Variants in CCDC66 observed in about 807,000 individuals in gnomAD.
The protein encoded by CCDC66 is coiled-coil domain-containing protein 66.
CCDC66 carries 133 observed loss-of-function variants against 128.3 expected under a neutral mutation model. The ratio of observed to expected loss-of-function variants is 1.04; its 90% CI spans 0.90 to 1.20. CCDC66 has a LOEUF of 1.20. Among genes scored for constraint, CCDC66 ranks in the 50% most tolerant of loss-of-function variants. The pLI, the probability that CCDC66 is intolerant of heterozygous loss-of-function variation, is 0.00. For synonymous variants in CCDC66, 387 were observed against 357.0 expected, an observed-to-expected ratio of 1.08 and a Z score of -0.95; for missense variants, 1,126 against 1,075.5, an observed-to-expected ratio of 1.05 and a Z score of -0.66.
At chr3:56,569,471 C>G (rs1227541288) in intron 6 of CCDC66, 1 of 169,020 alleles carries the variant, frequency 5.9e-6, no homozygotes, top group Non-Finnish European at 1.3e-5. Flanking sequence ...TGTGAACTGA[C>G]AGAGGGAGAA....
intron 7 of CCDC66, among the ~76,000 whole-genome samples, chr3:56,579,317 G>GC (rs1296208975): frequency 3.3e-5 from 5 of 151,644 alleles, no homozygotes; most frequent in Middle Eastern, 3.4e-3. Flanking sequence ...TATTAGTCTT[G>GC]CTAGTGGTCT....
At chr3:56,593,209 T>A (rs550999691) in intron 8 of CCDC66, 108 bp downstream of exon 8, 1 of 950,336 alleles carries the variant, frequency 1.1e-6, no homozygotes, top group Admixed American at 3.1e-5. Flanking sequence ...AATATTCCAT[T>A]TATTCCACAT....
At chr3:56,575,550 C>T (rs2067242199) in intron 7 of CCDC66, among the ~76,000 whole-genome samples, 1 of 151,712 alleles carries the variant, frequency 6.6e-6, no homozygotes, top group African/African-American at 2.4e-5. Context: ...TTTTCACTCT[C>T]TTGATAATAG....
Position 56,593,664 on chromosome 3 carries a change from C to T in CCDC66, c.1242C>T (p.Ser414=), listed in dbSNP as rs1260310248. 3 of 1,613,960 alleles carry T rather than the reference C, an allele frequency of 1.9e-6. No homozygotes were observed. The highest frequency in any genetic ancestry group is 2.5e-6 in the Non-Finnish European group (3 of 1,180,000). ...VSSVCTPTTG[S]QVEPSEEEHI... is the part of the protein sequence containing the mutation. The stretch of plus-strand genomic sequence containing the variant: ...GTGTTTGTACACCTACAACCGGAAG[C>T]CAGGTTGAACCTTCAGAGGAGGAGC... The change falls in exon 9 of 18, where the codon AGC becomes AGT. Residue 414 remains serine (S), a synonymous_variant. Coordinates refer to ENST00000394672, the MANE Select transcript of CCDC66 (RefSeq NM_001141947.3).
chr3:56,607,755 GTAT>G (rs1254720469), intron 10 of CCDC66, among the ~76,000 whole-genome samples: 1 of 152,150 alleles, frequency 6.6e-6, no homozygotes, highest in African/African-American at 2.4e-5. Context: ...TCCCCATTCA[GTAT>G]TATGTTGGCT....
chr3:56,614,834 A>C (rs571573632), intron 11 of CCDC66, among the ~76,000 whole-genome samples: 3 of 152,328 alleles, frequency 2.0e-5, no homozygotes, highest in Middle Eastern at 3.4e-3. Flanking sequence ...TCTTGTGTTT[A>C]CCTTTTAAAA....
At chr3:56,597,927 A>G (rs2107058068) in intron 10 of CCDC66, among the ~76,000 whole-genome samples, 1 of 151,430 alleles carries the variant, frequency 6.6e-6, no homozygotes. Flanking sequence ...GGCATGTGCC[A>G]CCGCACCTTG....
Position 56,619,408 on chromosome 3 carries a change from G to T in CCDC66, c.2516G>T (p.Gly839Val), listed in dbSNP as rs746769849. 2 of 1,613,816 alleles carry T rather than the reference G, an allele frequency of 1.2e-6. No individual in the cohort carries two copies. The highest frequency in any genetic ancestry group is 4.5e-5 in the East Asian group (2 of 44,856). ...SGSNQTELSS[G>V]ISESSHFIPY... ...AGTAATCAAACAGAATTATCATCTG[G>T]GATTTCTGAATCATCCCATTTTATT... The change falls in exon 16 of 18, where the codon GGG becomes GTG. Residue 839 changes from glycine (G) to valine (V), a missense_variant. By Grantham distance (109) the Gly-to-Val change is moderately radical (BLOSUM62 -3). Coordinates refer to ENST00000394672, the MANE Select transcript of CCDC66 (RefSeq NM_001141947.3).
chr3:56,566,854 T>C, intron 5 of CCDC66, 95 bp downstream of exon 5: 1 of 1,463,492 alleles, frequency 6.8e-7, no homozygotes, highest in Non-Finnish European at 9.4e-7. Flanking sequence ...CTCTGAATAC[T>C]TAGAGCTATT....
intron 17 of CCDC66, 49 bp downstream of exon 17, chr3:56,619,950 GCGGTTGGGGGAA>G: frequency 6.3e-7 from 1 of 1,582,170 alleles, no homozygotes; most frequent in Non-Finnish European, 8.6e-7. Flanking sequence ...TGTGGCGTGG[GCGGTTGGGGGAA>G]CCTGTTGAAC....
At chr3:56,600,159 T>C (rs2072900707) in intron 10 of CCDC66, among the ~76,000 whole-genome samples, 2 of 150,508 alleles carry the variant, frequency 1.3e-5, no homozygotes, top group Non-Finnish European at 3.0e-5. Flanking sequence ...CTTTTTTTTT[T>C]TTTTTTTTGA....
chr3:56,611,808 C>T (rs2074867600), intron 10 of CCDC66, among the ~76,000 whole-genome samples: 1 of 152,136 alleles, frequency 6.6e-6, no homozygotes, highest in African/African-American at 2.4e-5. Context: ...TAACTTGACT[C>T]AGCCCCAGGT....
chr3:56,599,661 G>T (rs577393602), intron 10 of CCDC66, among the ~76,000 whole-genome samples: 14 of 151,952 alleles, frequency 9.2e-5, no homozygotes, highest in Admixed American at 1.3e-4. Flanking sequence ...GAAGCATGTG[G>T]TTTAATTTCT....
chr3:56,557,366 C>T, intron 1 of CCDC66, 113 bp downstream of exon 1: 3 of 1,396,978 alleles, frequency 2.1e-6, no homozygotes, highest in Non-Finnish European at 2.9e-6. Context: ...ACGTTCCCAA[C>T]CTGCGCCGCC....
chr3:56,600,620 C>T (rs1401139791), intron 10 of CCDC66, among the ~76,000 whole-genome samples: 3 of 152,022 alleles, frequency 2.0e-5, no homozygotes, highest in Non-Finnish European at 4.4e-5. Flanking sequence ...GTTCCTATTT[C>T]ACCACATCCT....
Position 56,563,964 on chromosome 3 carries a change from C to T in CCDC66, c.383C>T (p.Ser128Phe), listed in dbSNP as rs1391896589. Reference protein sequence around the residue: ...MQKTRNTVNTSLVGKQKPHKK... With the variant: ...MQKTRNTVNTFLVGKQKPHKK... ...AAGACTAGAAACACCGTAAATACAT[C>T]TCTAGTAGGTAAACAGAAGCCTCAC... Residue 128 changes from serine (S) to phenylalanine (F), a missense_variant, in exon 4 of 18, where the codon TCT (serine) becomes TTT (phenylalanine). Transcript: ENST00000394672. The T allele has an allele frequency of 1.9e-6, 3 of 1,613,954 alleles. No individual in the cohort carries two copies. Among genetic ancestry groups the T allele is most frequent in the South Asian group, 1.1e-5 (1 of 91,082 alleles).
intron 10 of CCDC66, among the ~76,000 whole-genome samples, chr3:56,603,689 G>T (rs548408241): frequency 6.6e-6 from 1 of 152,054 alleles, no homozygotes; most frequent in East Asian, 1.9e-4. Context: ...ATTTGCTGAG[G>T]AGTGTTTTAC....
intron 7 of CCDC66, among the ~76,000 whole-genome samples, chr3:56,584,068 C>T (rs1319366586): frequency 3.0e-5 from 4 of 132,920 alleles, no homozygotes; most frequent in Admixed American, 1.5e-4. Flanking sequence ...CGGGGGCTGC[C>T]CCCCACCTCC....
intron 10 of CCDC66, among the ~76,000 whole-genome samples, chr3:56,597,020 A>G: frequency 6.6e-6 from 1 of 151,038 alleles, no homozygotes; most frequent in South Asian, 2.1e-4. Context: ...TTGCCCTCCC[A>G]AAGTGCTAGG....
Sources: allele counts gnomAD v4.1 joint callset (sites outside exome capture counted in the v4.1 genomes callset), GRCh38; gene constraint gnomAD v4.1.1; transcripts MANE v1.5; gene names NCBI Gene and HGNC (gene_info 2026-07-23, HGNC 2026-07-21).